ATAD2: variants seen among roughly 807,000 people sequenced by gnomAD.
ATAD2 encodes the protein ATPase family AAA domain-containing protein 2.
In ATAD2, 62 loss-of-function variants were observed where a neutral mutation model predicts 168.9. The ratio of observed to expected loss-of-function variants is 0.37; its 90% CI spans 0.30 to 0.45. The LOEUF (loss-of-function observed/expected upper bound fraction) is 0.45, where lower values mean the gene tolerates loss of function less well. Among genes scored for constraint, ATAD2 ranks in the 20% least tolerant of loss-of-function variants. ATAD2 has a pLI of 1.00. For synonymous variants in ATAD2, 613 were observed against 571.6 expected, an observed-to-expected ratio of 1.07 and a Z score of -1.03; for missense variants, 1,419 against 1,667.8, an observed-to-expected ratio of 0.85 and a Z score of 2.60.
At chr8:123,359,723 C>A (rs1371058277) in intron 9 of ATAD2, 38 bp from the exon 10 acceptor site, 4 of 1,386,072 alleles carry the variant, frequency 2.9e-6, no homozygotes, top group African/African-American at 1.5e-5. Context: ...ACAAACCCAT[C>A]AACTCACCCT....
At chr8:123,391,732 G>C (rs1304695848) in intron 1 of ATAD2, among the ~76,000 whole-genome samples, 3 of 152,154 alleles carry the variant, frequency 2.0e-5, no homozygotes, top group Admixed American at 2.0e-4. Context: ...CAAATGTATT[G>C]AATGTAAAGC....
At chr8:123,323,169 T>G in intron 26 of ATAD2, 103 bp from the exon 27 acceptor site, 2 of 1,248,848 alleles carry the variant, frequency 1.6e-6, no homozygotes, top group Non-Finnish European at 1.1e-6. Flanking sequence ...TGACAGAGGG[T>G]AGACCAAGCC....
chr8:123,361,773 A>C (rs1052464160), intron 8 of ATAD2, 127 bp from the exon 9 acceptor site: 2 of 613,428 alleles, frequency 3.3e-6, no homozygotes, highest in Non-Finnish European at 5.5e-6. Context: ...CTGCTGACCC[A>C]CTGACATAAA....
At chr8:123,394,668 G>T (rs1812747925) in intron 1 of ATAD2, among the ~76,000 whole-genome samples, 1 of 152,066 alleles carries the variant, frequency 6.6e-6, no homozygotes, top group Non-Finnish European at 1.5e-5. Flanking sequence ...TATTTAACCA[G>T]TATTCAATAT....
chr8:123,396,153 C>T (rs1289074646), intron 1 of ATAD2, 34 bp downstream of exon 1: 2 of 1,525,270 alleles, frequency 1.3e-6, no homozygotes, highest in African/African-American at 2.8e-5. Flanking sequence ...CCCCCGGGAA[C>T]CGCCCTGGGA....
At chr8:123,404,551 C>G (rs1813044048) in intron 1 of ATAD2, among the ~76,000 whole-genome samples, 1 of 151,572 alleles carries the variant, frequency 6.6e-6, no homozygotes, top group Admixed American at 6.6e-5. Context: ...CAAGTCTCTC[C>G]CCACTTTCTC....
chr8:123,395,073 T>G (rs1812764007), intron 1 of ATAD2, among the ~76,000 whole-genome samples: 1 of 152,192 alleles, frequency 6.6e-6, no homozygotes, highest in Admixed American at 6.5e-5. Flanking sequence ...TGAAGAGGAT[T>G]ACATTGTCAC....
At chr8:123,390,438 C>T (rs907996418) in intron 1 of ATAD2, among the ~76,000 whole-genome samples, 1 of 152,164 alleles carries the variant, frequency 6.6e-6, no homozygotes, top group African/African-American at 2.4e-5. Context: ...CCCTTTCTTG[C>T]TTATGACTGA....
chr8:123,399,680 C>T (rs1427007259), upstream of ATAD2, among the ~76,000 whole-genome samples: 1 of 151,452 alleles, frequency 6.6e-6, no homozygotes, highest in Non-Finnish European at 1.5e-5. Flanking sequence ...CATGGAGAAA[C>T]CCCATCTCTA....
At chr8:123,326,127 G>T in intron 25 of ATAD2, 101 bp from the exon 26 acceptor site, 1 of 1,262,052 alleles carries the variant, frequency 7.9e-7, no homozygotes, top group Non-Finnish European at 1.1e-6. Context: ...TGTTTACTAA[G>T]GACATAAACA....
intron 2 of ATAD2, among the ~76,000 whole-genome samples, chr8:123,379,203 A>C (rs917765070): frequency 6.6e-6 from 1 of 152,168 alleles, no homozygotes. Context: ...AATCCATTAA[A>C]ATTGATTTCT....
intron 1 of ATAD2, among the ~76,000 whole-genome samples, chr8:123,388,973 T>TC (rs1491117946): frequency 2.0e-4 from 27 of 135,940 alleles, no homozygotes; most frequent in African/African-American, 7.4e-4. Flanking sequence ...CTTCTCTCTC[T>TC]TTTTTTTTTT....
chr8:123,346,324 T>C, intron 17 of ATAD2, 52 bp from the exon 18 acceptor site: 11 of 1,461,166 alleles, frequency 7.5e-6, no homozygotes, highest in Non-Finnish European at 1.0e-5. Flanking sequence ...AGTTTAAATT[T>C]TCCCCCTAAA....
At chr8:123,371,476 A>G (rs1279754575) in intron 4 of ATAD2, 138 bp from the exon 5 acceptor site, 5 of 858,634 alleles carry the variant, frequency 5.8e-6, no homozygotes, top group Non-Finnish European at 8.6e-6. Flanking sequence ...TTACTTGTAT[A>G]AAAATATTTT....
At chr8:123,335,380 G>A (rs1257309030) in intron 22 of ATAD2, among the ~76,000 whole-genome samples, 2 of 152,120 alleles carry the variant, frequency 1.3e-5, no homozygotes, top group East Asian at 3.9e-4. Context: ...AGGACTGGGA[G>A]GGAAAGAATA....
chr8:123,372,833 T>C, intron 2 of ATAD2, 147 bp from the exon 3 acceptor site: 4 of 535,258 alleles, frequency 7.5e-6, no homozygotes, highest in Non-Finnish European at 1.2e-5. Flanking sequence ...GCTCAAGCAA[T>C]ACCTCCCACC....
chr8:123,338,756 G>A (rs113735013), intron 20 of ATAD2, among the ~76,000 whole-genome samples: 1,816 of 152,214 alleles, frequency 0.012, 40 homozygotes, highest in African/African-American at 0.042. Context: ...GTATTTAGCC[G>A]GGCATTTTGG....
In ATAD2 at chr8:123,347,378, T is replaced by A. The variant is rs1160355396; in HGVS notation, c.1926A>T (p.Ile642=). The change falls in exon 16 of 28, where the codon ATA becomes ATT. Residue 642 remains isoleucine, a synonymous_variant. Transcript: ENST00000287394. ...VGYCGADIKS[I]CAEAALCALR... is the part of the protein sequence containing the mutation. ...AAGCACATAAAGCAGCTTCAGCACATATTGATTTAATATCTGCTCCACAGT... is the reference window on the plus strand; with the variant it reads ...AAGCACATAAAGCAGCTTCAGCACAAATTGATTTAATATCTGCTCCACAGT... 1 of 1,613,212 alleles carries A rather than the reference T, an allele frequency of 6.2e-7. No homozygotes were observed. Among genetic ancestry groups the A allele is most frequent in the Non-Finnish European group, 8.5e-7 (1 of 1,179,708 alleles).
intron 1 of ATAD2, among the ~76,000 whole-genome samples, chr8:123,386,567 A>G (rs1170787829): frequency 2.6e-5 from 4 of 152,112 alleles, no homozygotes; most frequent in Non-Finnish European, 4.4e-5. Context: ...TGGAAGATGA[A>G]AAAGTTCTGG....
Sources: allele counts gnomAD v4.1 joint callset (sites outside exome capture counted in the v4.1 genomes callset), GRCh38; gene constraint gnomAD v4.1.1; transcripts MANE v1.5; gene names NCBI Gene and HGNC (gene_info 2026-07-23, HGNC 2026-07-21).